TTLL11: variants seen among roughly 807,000 people sequenced by gnomAD.
TTLL11 encodes tubulin tyrosine ligase like 11.
A neutral mutation model predicts 51.7 loss-of-function variants in TTLL11; 42 were observed. The ratio of observed to expected loss-of-function variants is 0.81; its 90% confidence interval spans 0.64 to 1.05. The LOEUF (loss-of-function observed/expected upper bound fraction) is 1.05, where lower values mean the gene tolerates loss of function less well. Among genes scored for constraint, TTLL11 ranks in the 50% least tolerant of loss-of-function variants. The pLI, the probability that TTLL11 is intolerant of heterozygous loss-of-function variation, is 0.00. For synonymous variants in TTLL11, 381 were observed against 383.5 expected (o/e 0.99, Z 0.08); for missense variants, 799 against 940.4 (o/e 0.85, Z 1.97).
intron 1 of TTLL11, among the ~76,000 whole-genome samples, chr9:122,072,554 G>GA (rs1845756660): frequency 1.3e-5 from 2 of 152,168 alleles, no homozygotes; most frequent in African/African-American, 4.8e-5. Flanking sequence ...TGAGGCAGGC[G>GA]AATTGCTTGA....
chr9:122,055,511 G>T (rs1284930407), intron 1 of TTLL11, among the ~76,000 whole-genome samples: 6 of 152,140 alleles, frequency 3.9e-5, no homozygotes, highest in Admixed American at 3.9e-4. Flanking sequence ...GGGTGGGTCT[G>T]CCCTTCCCAG....
chr9:121,884,964 C>G (rs1472702233), intron 6 of TTLL11: 1 of 152,248 alleles, frequency 6.6e-6, no homozygotes, highest in African/African-American at 2.4e-5. Flanking sequence ...ATGCCGTGAC[C>G]ACAAACCCAT....
At chr9:121,953,955 C>G (rs1468805001) in intron 6 of TTLL11, among the ~76,000 whole-genome samples, 1 of 152,070 alleles carries the variant, frequency 6.6e-6, no homozygotes, top group Non-Finnish European at 1.5e-5. Context: ...AATGTTAGGG[C>G]CAAAAATGTC....
chr9:122,048,430 G>A (rs1284625475), intron 1 of TTLL11, among the ~76,000 whole-genome samples: 5 of 152,270 alleles, frequency 3.3e-5, no homozygotes, highest in Non-Finnish European at 7.4e-5. Flanking sequence ...GCTTTCCAAA[G>A]TGCTGGGATT....
At chr9:121,837,884 A>G (rs1837224324) in intron 8 of TTLL11, among the ~76,000 whole-genome samples, 1 of 152,098 alleles carries the variant, frequency 6.6e-6, no homozygotes, top group Non-Finnish European at 1.5e-5. Context: ...ACCACGTGGA[A>G]GCCTCCCTCC....
At chr9:121,977,121 G>A (rs934526634) in intron 4 of TTLL11, among the ~76,000 whole-genome samples, 3 of 152,194 alleles carry the variant, frequency 2.0e-5, no homozygotes, top group Non-Finnish European at 4.4e-5. Context: ...GGGAGCTGGA[G>A]CAGGGGTGTT....
intron 3 of TTLL11, among the ~76,000 whole-genome samples, chr9:122,030,451 C>T (rs1338387372): frequency 6.6e-6 from 1 of 151,934 alleles, no homozygotes; most frequent in East Asian, 1.9e-4. Flanking sequence ...AATATTAAAA[C>T]CAAAACAATA....
chr9:121,891,106 C>G (rs1335282728), intron 6 of TTLL11, among the ~76,000 whole-genome samples: 2 of 152,192 alleles, frequency 1.3e-5, no homozygotes, highest in Non-Finnish European at 2.9e-5. Context: ...TTTTGAAGCC[C>G]TTTTCACGCT....
chr9:121,834,460 T>C (rs1306803185), intron 8 of TTLL11, among the ~76,000 whole-genome samples: 5 of 147,538 alleles, frequency 3.4e-5, no homozygotes, highest in African/African-American at 1.3e-4. Context: ...AAAGTGGGGA[T>C]AGTAATAGCT....
intron 6 of TTLL11, among the ~76,000 whole-genome samples, chr9:121,899,397 A>ATG (rs1485740658): frequency 2.6e-5 from 2 of 78,122 alleles, no homozygotes; most frequent in African/African-American, 7.2e-5. Flanking sequence ...ATATATATAT[A>ATG]TATATACACA....
chr9:121,868,106 A>G (rs2131392849), intron 7 of TTLL11, among the ~76,000 whole-genome samples: 1 of 152,214 alleles, frequency 6.6e-6, no homozygotes, highest in African/African-American at 2.4e-5. Context: ...GGGGAGGGCC[A>G]AGGAAGCTTC....
intron 6 of TTLL11, among the ~76,000 whole-genome samples, chr9:121,940,284 T>C (rs993920108): frequency 6.6e-6 from 1 of 152,040 alleles, no homozygotes; most frequent in African/African-American, 2.4e-5. Flanking sequence ...CCTCCATCTC[T>C]AAAACTCTCT....
At chr9:121,946,304 G>A (rs1052511846) in intron 6 of TTLL11, among the ~76,000 whole-genome samples, 1 of 152,154 alleles carries the variant, frequency 6.6e-6, no homozygotes, top group Admixed American at 6.5e-5. Context: ...ATGAGATAGG[G>A]AGAGAATGGT....
rs553957497 is a variant in TTLL11 at position 121,869,000 on chromosome 9, G to C, written c.1733+1497C>G. Among the ~76,000 whole-genome samples, 29 of 152,340 alleles carry C rather than the reference G, an allele frequency of 1.9e-4. No homozygotes were observed. The South Asian group carries it at 5.8e-3, about 31-fold the overall frequency. On this transcript the variant is annotated intron_variant, in intron 7 of 8. Transcript: ENST00000321582. ...ATGATTGTTCCCATTTTGCAGATGA[G>C]AGAACTGAGTGCAGAGAAGATAAGG...
At chr9:121,977,919 C>A (rs1486260734) in intron 4 of TTLL11, among the ~76,000 whole-genome samples, 1 of 152,078 alleles carries the variant, frequency 6.6e-6, no homozygotes, top group East Asian at 1.9e-4. Context: ...AGGTGATCCG[C>A]CTGCCTTGTC....
rs546784035 is a variant in TTLL11, at chr9:121,913,119, A to G, written c.1482-42371T>C. Reference sequence around the variant, plus strand: ...AGGGGAAGCAAGAAGTTTTGGGTTTAGAAGTCTCCCGATGATTTCTTATCC... The same window carrying G: ...AGGGGAAGCAAGAAGTTTTGGGTTTGGAAGTCTCCCGATGATTTCTTATCC... On this transcript the variant is annotated intron_variant, in intron 6 of 8. Transcript: ENST00000321582. Among the ~76,000 whole-genome samples, 5 of 152,340 alleles carry G rather than the reference A, an allele frequency of 3.3e-5. No homozygotes were observed. In the South Asian group the frequency reaches 1.0e-3, roughly 32 times the overall value.
chr9:121,863,170 G>C (rs1335550044), intron 7 of TTLL11, among the ~76,000 whole-genome samples: 1 of 152,262 alleles, frequency 6.6e-6, no homozygotes, highest in East Asian at 1.9e-4. Flanking sequence ...TCAGCACACG[G>C]TTATTGAGCC....
At chr9:121,974,570 C>A (rs986672163) in intron 5 of TTLL11, among the ~76,000 whole-genome samples, 3 of 152,090 alleles carry the variant, frequency 2.0e-5, no homozygotes, top group African/African-American at 4.8e-5. Flanking sequence ...AAATCATACT[C>A]ATAGAATTTC....
chr9:122,014,237 G>A (rs1337170104), intron 3 of TTLL11, among the ~76,000 whole-genome samples: 1 of 152,032 alleles, frequency 6.6e-6, no homozygotes, highest in Non-Finnish European at 1.5e-5. Context: ...TGGTGGCGCA[G>A]GCCTGTAATC....
Sources: allele counts gnomAD v4.1 joint callset (sites outside exome capture counted in the v4.1 genomes callset), GRCh38; gene constraint gnomAD v4.1.1; transcripts MANE v1.5; gene names NCBI Gene and HGNC (gene_info 2026-07-23, HGNC 2026-07-21).